Variants in SLC5A11 observed in about 807,000 individuals in gnomAD.
SLC5A11 encodes solute carrier family 5 member 11, also known as sodium/myo-inositol cotransporter 2.
A neutral mutation model predicts 69.8 loss-of-function variants in SLC5A11; 48 were observed. That is an observed-to-expected ratio of 0.69 (90% CI 0.55 to 0.87). The LOEUF (loss-of-function observed/expected upper bound fraction) is 0.87. Ranked by LOEUF, SLC5A11 falls within the 40% of genes least tolerant of loss-of-function variation. The pLI, the probability that SLC5A11 is intolerant of heterozygous loss-of-function variation, is 0.00. For missense variants in SLC5A11, 784 were observed against 866.1 expected, an observed-to-expected ratio of 0.91 and a Z score of 1.19; for synonymous variants, 319 against 342.4, an observed-to-expected ratio of 0.93 and a Z score of 0.75.
At chr16:24,856,479 C>T (rs1217874518) in intron 1 of SLC5A11, among the ~76,000 whole-genome samples, 3 of 150,750 alleles carry the variant, frequency 2.0e-5, no homozygotes, top group South Asian at 2.1e-4. Context: ...ATAGGCCGGG[C>T]GCAGTGGCTC....
In SLC5A11 at chr16:24,884,513, G is replaced by GTT. The variant is rs10572531; in HGVS notation, c.664+399_664+400dup. ...GTCGAGCTAATTGCTTTTTTATTTT[G>GTT]TTTTTTTTTTTTTTTTTTGTAGAGA... On this transcript the variant is annotated intron_variant, in intron 8 of 15. Transcript: ENST00000347898. Among the ~76,000 whole-genome samples, 1,051 of 110,214 alleles carry GTT rather than the reference G, an allele frequency of 9.5e-3. 18 individuals are homozygous for GTT. Among genetic ancestry groups the GTT allele is most frequent in the African/African-American group, 0.032 (981 of 30,592 alleles). 72.3% of individuals were successfully genotyped at this position (110,214 alleles called of 152,430 possible). A position where few individuals can be genotyped will look rare whatever the true frequency, so the allele number is the denominator to read the frequency against.
At chr16:24,896,177 G>A (rs946264081) in intron 9 of SLC5A11, among the ~76,000 whole-genome samples, 1 of 151,766 alleles carries the variant, frequency 6.6e-6, no homozygotes, top group African/African-American at 2.4e-5. Context: ...AACATAGTGA[G>A]AGTCTGTCTC....
chr16:24,857,052 T>C (rs2059567212), intron 1 of SLC5A11, among the ~76,000 whole-genome samples: 1 of 152,170 alleles, frequency 6.6e-6, no homozygotes, highest in African/African-American at 2.4e-5. Flanking sequence ...ACCCCTGGCC[T>C]CATGGGATCC....
intron 8 of SLC5A11, 50 bp downstream of exon 9, chr16:24,884,181 G>A: frequency 1.3e-6 from 2 of 1,561,944 alleles, no homozygotes; most frequent in Non-Finnish European, 1.8e-6. Flanking sequence ...CCTCTCTCCA[G>A]CAGGGATATC....
chr16:24,877,387 C>T, intron 7 of SLC5A11, 24 bp downstream of exon 8: 1 of 1,583,300 alleles, frequency 6.3e-7, no homozygotes, highest in Non-Finnish European at 8.7e-7. Context: ...AAGGGTAACA[C>T]CTAGCAGAGG....
intron 1 of SLC5A11, among the ~76,000 whole-genome samples, chr16:24,850,399 ACT>A (rs1367845904): frequency 6.6e-6 from 1 of 151,884 alleles, no homozygotes; most frequent in Non-Finnish European, 1.5e-5. Flanking sequence ...TCCAGGACTG[ACT>A]CTTTTCCTCT....
intron 8 of SLC5A11, among the ~76,000 whole-genome samples, chr16:24,888,478 C>CTTTTTT (rs891552223): frequency 0.013 from 1,093 of 81,310 alleles, no homozygotes; most frequent in Non-Finnish European, 0.017. Context: ...GTATCTATTT[C>CTTTTTT]TTTTTTTTTT....
chr16:24,863,008 A>G (rs2046691984), intron 3 of SLC5A11, among the ~76,000 whole-genome samples: 1 of 141,242 alleles, frequency 7.1e-6, no homozygotes, highest in African/African-American at 2.6e-5. Context: ...ATATTTATGT[A>G]ATATATAGTT....
intron 8 of SLC5A11, among the ~76,000 whole-genome samples, chr16:24,884,476 A>C (rs939474200): frequency 6.6e-6 from 1 of 150,646 alleles, no homozygotes; most frequent in Non-Finnish European, 1.5e-5. Flanking sequence ...GACTACAGAC[A>C]TAGGCCACTA....
intron 15 of SLC5A11, 116 bp downstream of exon 16, chr16:24,910,593 C>A: frequency 8.7e-7 from 1 of 1,149,270 alleles, no homozygotes; most frequent in Non-Finnish European, 1.2e-6. Context: ...GGAGTTTTAG[C>A]ATCCTCTGGC....
chr16:24,888,638 C>G (rs980738371), intron 8 of SLC5A11, among the ~76,000 whole-genome samples: 12 of 151,196 alleles, frequency 7.9e-5, no homozygotes, highest in Non-Finnish European at 8.8e-5. Context: ...CTCGCGCCAC[C>G]ACATCCAGCT....
At chr16:24,883,995 G>C in intron 7 of SLC5A11, 56 bp from the exon 9 acceptor site, 2 of 1,548,106 alleles carry the variant, frequency 1.3e-6, no homozygotes, top group East Asian at 2.3e-5. Context: ...TGGTGACCCA[G>C]AGTAACCCCT....
chr16:24,895,584 G>A (rs1376463824), intron 9 of SLC5A11, among the ~76,000 whole-genome samples: 1 of 138,642 alleles, frequency 7.2e-6, no homozygotes, highest in Non-Finnish European at 1.6e-5. Flanking sequence ...AGGGAGGGAA[G>A]GGAAAAGGAG....
At chr16:24,849,552 G>A (rs1389156245) in intron 1 of SLC5A11, among the ~76,000 whole-genome samples, 1 of 119,614 alleles carries the variant, frequency 8.4e-6, no homozygotes, top group African/African-American at 3.2e-5. Context: ...GGGTAACAGA[G>A]CGAGACTCTG....
At chr16:24,877,616 G>A (rs1241773014) in intron 7 of SLC5A11, among the ~76,000 whole-genome samples, 3 of 152,222 alleles carry the variant, frequency 2.0e-5, no homozygotes, top group East Asian at 1.9e-4. Context: ...TTGGGAAGCC[G>A]AGGCAGGTGG....
In SLC5A11 at chr16:24,905,482, A is replaced by G. The variant is rs186686401; in HGVS notation, c.1007-1175A>G. On this transcript the variant is annotated intron_variant, in intron 10 of 15. Coordinates refer to ENST00000347898, the Ensembl canonical transcript of SLC5A11. Reference sequence around the variant, plus strand: ...TAAAAATAAAAAAATTAATTAAAGAAAAAGAAATTAGCTGGGTGTGATGGT... The same window carrying G: ...TAAAAATAAAAAAATTAATTAAAGAGAAAGAAATTAGCTGGGTGTGATGGT... Among the ~76,000 whole-genome samples the G allele has an allele frequency of 3.9e-3, 595 of 151,820 alleles. 5 individuals are homozygous for G. The highest frequency in any genetic ancestry group is 0.014 in the African/African-American group (571 of 41,456).
At chr16:24,861,590 A>AAAGG (rs143815824) in intron 2 of SLC5A11, among the ~76,000 whole-genome samples, 1 of 147,654 alleles carries the variant, frequency 6.8e-6, no homozygotes, top group African/African-American at 2.5e-5. Flanking sequence ...AGAGAAAGAG[A>AAAGG]AAGGAAGGAA....
chr16:24,856,530 G>T (rs2059536696), intron 1 of SLC5A11, among the ~76,000 whole-genome samples: 1 of 149,206 alleles, frequency 6.7e-6, no homozygotes, highest in Non-Finnish European at 1.5e-5. Flanking sequence ...GAGGTGGGTG[G>T]ATCACGAGGT....
At chr16:24,879,330 C>T (rs76045478) in intron 7 of SLC5A11, among the ~76,000 whole-genome samples, 3,053 of 152,038 alleles carry the variant, frequency 0.02, 118 homozygotes, top group African/African-American at 0.07. Flanking sequence ...AGCATAGTAC[C>T]CAATGGGTAG....
Sources: gnomAD v4.1 joint callset for allele counts (sites outside exome capture counted in the v4.1 genomes callset) on GRCh38, gnomAD v4.1.1 for gene constraint, MANE v1.5 for transcripts, NCBI Gene and HGNC (gene_info 2026-07-23, HGNC 2026-07-21) for gene names.